The following TUSC3 variants were observed in gnomAD, a reference collection of about 807,000 sequenced individuals.
TUSC3 encodes the protein dolichyl-diphosphooligosaccharide--protein glycosyltransferase subunit TUSC3.
A neutral mutation model predicts 44.8 loss-of-function variants in TUSC3; 45 were observed. That is an observed-to-expected ratio of 1.00 (90% CI 0.79 to 1.29). The LOEUF (loss-of-function observed/expected upper bound fraction) is 1.29. Ranked by LOEUF, TUSC3 falls within the 50% of genes most tolerant of loss-of-function variation. The pLI is 0.00. For missense variants in TUSC3, 519 were observed against 437.9 expected (o/e 1.19, Z -1.65); for synonymous variants, 212 against 152.9 (o/e 1.39, Z -2.85).
intron 1 of TUSC3, among the ~76,000 whole-genome samples, chr8:15,595,628 G>A (rs559186867): frequency 6.6e-6 from 1 of 152,184 alleles, no homozygotes; most frequent in South Asian, 2.1e-4. Context: ...GCTGTATCTT[G>A]GCCAGAAATG....
At chr8:15,541,232 A>G (rs1315644400) in intron 1 of TUSC3, among the ~76,000 whole-genome samples, 1 of 152,238 alleles carries the variant, frequency 6.6e-6, no homozygotes, top group African/African-American at 2.4e-5. Flanking sequence ...TCTGATTTCA[A>G]TCTTAATCCA....
chr8:15,563,831 A>T (rs749928386), intron 1 of TUSC3, among the ~76,000 whole-genome samples: 4 of 152,078 alleles, frequency 2.6e-5, no homozygotes, highest in Non-Finnish European at 5.9e-5. Flanking sequence ...GTAAATAAGA[A>T]TTATTTCAAG....
At position 15,734,916 on chromosome 8, in the gene TUSC3, T is replaced by C. The variant is rs191508652; in HGVS notation, c.862+4187T>C. 3.7e-3 allele frequency among the ~76,000 whole-genome samples: 556 copies of C among 152,302 alleles called. 1 individual carries two copies. The highest frequency in any genetic ancestry group is 6.8e-3 in the Middle Eastern group (2 of 294). On this transcript the variant is annotated intron_variant, in intron 7 of 10. Transcript: ENST00000503731. Reference sequence around the variant, plus strand: ...TTGGTGAAAGTTAGGTTAGGCTGGATAATGAAGACCTTGCTGAGAAATTTG... The same window carrying C: ...TTGGTGAAAGTTAGGTTAGGCTGGACAATGAAGACCTTGCTGAGAAATTTG...
At chr8:15,819,978 G>C in the TUSC3 span, among the ~76,000 whole-genome samples, 763 of 152,166 alleles carry the variant, frequency 5.0e-3, 4 homozygotes, top group Non-Finnish European at 8.7e-3. Context: ...TTATTATGTT[G>C]TCAATTATTA....
chr8:15,449,366 C>T (rs1321028441), intron 1 of TUSC3, among the ~76,000 whole-genome samples: 9 of 152,146 alleles, frequency 5.9e-5, no homozygotes, highest in Non-Finnish European at 1.3e-4. Flanking sequence ...TTTTGACCCT[C>T]TGATGTCAAA....
At chr8:15,669,468 T>A (rs922704349) in intron 5 of TUSC3, among the ~76,000 whole-genome samples, 4 of 151,794 alleles carry the variant, frequency 2.6e-5, no homozygotes, top group Non-Finnish European at 5.9e-5. Context: ...GTCTTTCTCA[T>A]GGATATAGAT....
the TUSC3 span, among the ~76,000 whole-genome samples, chr8:15,793,618 A>T: frequency 1.3e-5 from 2 of 152,072 alleles, no homozygotes; most frequent in African/African-American, 2.4e-5. Flanking sequence ...TTGAAACAGC[A>T]CTTTGTTTAT....
intron 1 of TUSC3, among the ~76,000 whole-genome samples, chr8:15,576,279 GT>G (rs1175068882): frequency 0.062 from 6,519 of 104,650 alleles, 238 homozygotes; most frequent in East Asian, 0.23. Flanking sequence ...TGGTCCTCTT[GT>G]TTTTTTTTTT....
At chr8:15,530,344 A>G (rs973149791) in intron 2 of TUSC3, among the ~76,000 whole-genome samples, 1 of 152,126 alleles carries the variant, frequency 6.6e-6, no homozygotes, top group Non-Finnish European at 1.5e-5. Flanking sequence ...CATAGTGGAT[A>G]AGTTGATGTG....
the TUSC3 span, among the ~76,000 whole-genome samples, chr8:15,799,069 C>T: frequency 6.6e-6 from 1 of 152,132 alleles, no homozygotes. Flanking sequence ...CTTGACAAGG[C>T]TAATGCTCCC....
At chr8:15,605,458 G>C (rs188929334) in intron 1 of TUSC3, among the ~76,000 whole-genome samples, 2 of 152,002 alleles carry the variant, frequency 1.3e-5, no homozygotes, top group East Asian at 3.9e-4. Flanking sequence ...TTATTGATTT[G>C]CTACACAGTT....
chr8:15,647,673 A>C (rs1353888272), intron 2 of TUSC3, among the ~76,000 whole-genome samples: 1 of 152,110 alleles, frequency 6.6e-6, no homozygotes, highest in Non-Finnish European at 1.5e-5. Context: ...TTTTTCATTC[A>C]CACTACCTTT....
chr8:15,537,265 CG>C (rs1201012640), upstream of TUSC3, among the ~76,000 whole-genome samples: 5 of 152,294 alleles, frequency 3.3e-5, no homozygotes, highest in Middle Eastern at 3.4e-3. Flanking sequence ...CTCCACCAAT[CG>C]TCAGTCAGAA....
chr8:15,507,599 G>C (rs1801074250), intron 2 of TUSC3, among the ~76,000 whole-genome samples: 1 of 151,852 alleles, frequency 6.6e-6, no homozygotes, highest in South Asian at 2.1e-4. Flanking sequence ...AAAGTCAAAA[G>C]AATCTATAAA....
the TUSC3 span, chr8:15,806,609 T>A: frequency 1.4e-6 from 2 of 1,448,918 alleles, no homozygotes; most frequent in African/African-American, 2.8e-5. Flanking sequence ...GAAGTGATCA[T>A]CTTCTTCAGA....
At chr8:15,499,220 T>G (rs1368960543) in intron 2 of TUSC3, among the ~76,000 whole-genome samples, 1 of 152,162 alleles carries the variant, frequency 6.6e-6, no homozygotes, top group Admixed American at 6.5e-5. Flanking sequence ...TCCTTCTGCC[T>G]CTCTCTTACC....
At chr8:15,548,071 C>G (rs1372869644) in intron 1 of TUSC3, among the ~76,000 whole-genome samples, 1 of 151,478 alleles carries the variant, frequency 6.6e-6, no homozygotes. Flanking sequence ...CACCAGAACC[C>G]GACCATGCTG....
chr8:15,718,657 T>TAA (rs1434978875), intron 6 of TUSC3, among the ~76,000 whole-genome samples: 2 of 152,098 alleles, frequency 1.3e-5, no homozygotes, highest in East Asian at 3.9e-4. Context: ...TTCTTATAAT[T>TAA]AACATACAAT....
chr8:15,728,020 T>C (rs1420420612), intron 6 of TUSC3, among the ~76,000 whole-genome samples: 1 of 152,198 alleles, frequency 6.6e-6, no homozygotes, highest in African/African-American at 2.4e-5. Context: ...ACAAGTGTTA[T>C]AGATCAGTTT....
Sources: gnomAD v4.1 joint callset for allele counts (sites outside exome capture counted in the v4.1 genomes callset) on GRCh38, gnomAD v4.1.1 for gene constraint, MANE v1.5 for transcripts, NCBI Gene and HGNC (gene_info 2026-07-23, HGNC 2026-07-21) for gene names.